SLC12A2: variants seen among roughly 807,000 people sequenced by gnomAD.
SLC12A2 encodes the protein Na-K-2Cl cotransporter 1.
SLC12A2 carries 67 observed loss-of-function variants against 136.3 expected under a neutral mutation model. The observed-to-expected ratio is 0.49, with a 90% CI of 0.40 to 0.60. The LOEUF (loss-of-function observed/expected upper bound fraction) is 0.60. SLC12A2 is among the 20% of genes least tolerant of loss of function. SLC12A2 has a pLI of 0.00. For synonymous variants in SLC12A2, 619 were observed against 562.9 expected (o/e 1.10, Z -1.41); for missense variants, 1,322 against 1,534.7 (o/e 0.86, Z 2.32).
intron 10 of SLC12A2, among the ~76,000 whole-genome samples, chr5:128,145,129 A>G (rs1158064349): frequency 6.6e-6 from 1 of 152,136 alleles, no homozygotes. Context: ...CCCAAAACAT[A>G]GTATTTCCAG....
At chr5:128,184,974 G>A in intron 26 of SLC12A2, 118 bp downstream of exon 26, 2 of 849,924 alleles carry the variant, frequency 2.4e-6, no homozygotes, top group African/African-American at 1.7e-5. Context: ...TTATAAGGAG[G>A]AAAAAACAAA....
At chr5:128,161,227 A>G (rs1396636841) in intron 16 of SLC12A2, among the ~76,000 whole-genome samples, 1 of 152,192 alleles carries the variant, frequency 6.6e-6, no homozygotes, top group Non-Finnish European at 1.5e-5. Context: ...TTAATATTTT[A>G]TAGCTCACTT....
intron 1 of SLC12A2, among the ~76,000 whole-genome samples, chr5:128,103,082 A>C (rs1760804032): frequency 6.6e-6 from 1 of 152,198 alleles, no homozygotes. Context: ...TCATAGAAGT[A>C]TTGTATATCT....
At chr5:128,173,010 C>T (rs904152503) in intron 19 of SLC12A2, among the ~76,000 whole-genome samples, 2 of 151,820 alleles carry the variant, frequency 1.3e-5, no homozygotes, top group Non-Finnish European at 2.9e-5. Flanking sequence ...TTTTTATATC[C>T]TTTGAAGATT....
rs1347112296 is a variant in SLC12A2 at position 128,126,971 on chromosome 5, T to TATATATATATATATATATAA, written c.1049-4096_1049-4095insATATATATATATATATATAA. On this transcript the variant is annotated intron_variant, in intron 4 of 26. Coordinates refer to ENST00000262461, the MANE Select transcript of SLC12A2 (RefSeq NM_001046.3). ...ATATATATATATATATATATATTTT[T>TATATATATATATATATATAA]TTTTTTTTTTTTTTTTGCATCTAAA... Among the ~76,000 whole-genome samples, 54 of 122,982 alleles carry TATATATATATATATATATAA rather than the reference T, an allele frequency of 4.4e-4. 2 individuals carry two copies. Among genetic ancestry groups the TATATATATATATATATATAA allele is most frequent in the African/African-American group, 1.7e-3 (45 of 26,042 alleles). The allele number at this position is 122,982 out of a possible 152,430, so 80.7% of individuals were successfully genotyped here.
Position 128,084,940 on chromosome 5 carries a change from A to C in SLC12A2, c.756+230A>C, listed in dbSNP as rs1760034148. On this transcript the variant is annotated intron_variant, in intron 1 of 26. Transcript: ENST00000262461. The surrounding 1 kb of genome is among the most constrained non-coding windows in gnomAD (Gnocchi z 5.6). ...ACGTGATACCGGAGGGCTGCCTCTA[A>C]CAACCTTCCCCATCCAGTTAGGTAT... Among the ~76,000 whole-genome samples the C allele has an allele frequency of 6.7e-6, 1 of 149,768 alleles. No homozygotes were observed.
At chr5:128,173,962 T>C (rs1157098766) in intron 19 of SLC12A2, among the ~76,000 whole-genome samples, 1 of 152,178 alleles carries the variant, frequency 6.6e-6, no homozygotes, top group Non-Finnish European at 1.5e-5. Flanking sequence ...CTTGGTTTTA[T>C]AGAGTGGGTA....
At position 128,188,313 on chromosome 5, in the gene SLC12A2, T is replaced by TG. The variant is rs1763931128; in HGVS notation, c.*1683dup. On this transcript the variant is annotated 3_prime_UTR_variant, in exon 27 of 27. Coordinates refer to ENST00000262461, the MANE Select transcript of SLC12A2 (RefSeq NM_001046.3). Reference sequence around the variant, plus strand: ...CCTTTTTTTTTTTTTTTTTTTTTTTTGAGACGGAGTCTTGCTCTGTTGCCA... The same window carrying TG: ...CCTTTTTTTTTTTTTTTTTTTTTTTTGGAGACGGAGTCTTGCTCTGTTGCCA... 8.3e-6 allele frequency: 1 copy of TG among 120,566 alleles called. No individual in the cohort carries two copies. The highest frequency in any genetic ancestry group is 3.1e-5 in the African/African-American group (1 of 32,202). The allele number at this position is 120,566 out of a possible 1,614,324, so 7.5% of individuals were successfully genotyped here. A position where few individuals can be genotyped will look rare whatever the true frequency, so the allele number is the denominator to read the frequency against.
intron 9 of SLC12A2, among the ~76,000 whole-genome samples, chr5:128,140,701 C>T (rs1409122181): frequency 1.3e-5 from 2 of 149,998 alleles, no homozygotes; most frequent in Non-Finnish European, 2.9e-5. Flanking sequence ...TGGAACCTTC[C>T]CCCCCCAAAA....
chr5:128,168,048 C>T (rs1439356934), intron 18 of SLC12A2, 181 bp downstream of exon 18: 1 of 482,492 alleles, frequency 2.1e-6, no homozygotes. Context: ...TTTTATTGAT[C>T]TTTATATGTC....
chr5:128,121,220 A>G (rs1197962445), intron 4 of SLC12A2, among the ~76,000 whole-genome samples: 1 of 152,242 alleles, frequency 6.6e-6, no homozygotes, highest in African/African-American at 2.4e-5. Context: ...TGTAATGGAA[A>G]CATGCAAGGT....
At chr5:128,110,682 A>G (rs1761111604) in intron 1 of SLC12A2, 4 of 1,368,442 alleles carry the variant, frequency 2.9e-6, no homozygotes, top group Non-Finnish European at 2.1e-6. Context: ...GAACATTTTT[A>G]CAATGAGCTC....
intron 1 of SLC12A2, among the ~76,000 whole-genome samples, chr5:128,102,632 TGAGGTAGTCTCAC>T (rs1760787966): frequency 7.7e-6 from 1 of 129,924 alleles, no homozygotes; most frequent in Non-Finnish European, 1.6e-5. Context: ...TTTTTTCTTT[TGAGGTAGTCTCAC>T]TCTCTTGCCC....
intron 10 of SLC12A2, among the ~76,000 whole-genome samples, chr5:128,143,884 TTTA>T (rs1461666163): frequency 6.7e-6 from 1 of 149,638 alleles, no homozygotes; most frequent in Non-Finnish European, 1.5e-5. Flanking sequence ...AGGCATTGTT[TTTA>T]TTATAAATAA....
intron 4 of SLC12A2, 86 bp downstream of exon 4, chr5:128,114,767 T>C (rs1029655452): frequency 2.0e-5 from 17 of 842,708 alleles, no homozygotes; most frequent in South Asian, 1.4e-4. Flanking sequence ...TTTTTTACTT[T>C]AACTGAAGCA....
chr5:128,129,404 G>T (rs1202759410), intron 4 of SLC12A2, among the ~76,000 whole-genome samples: 2 of 151,106 alleles, frequency 1.3e-5, no homozygotes, highest in Non-Finnish European at 3.0e-5. Context: ...TAGTGTTCAA[G>T]AATATTTCGT....
In SLC12A2 at chr5:128,084,152, C is replaced by G; in HGVS notation, c.198C>G (p.Asp66Glu). 7.7e-7 allele frequency: 1 copy of G among 1,292,122 alleles called. No individual in the cohort carries two copies. Among genetic ancestry groups the G allele is most frequent in the South Asian group, 2.4e-5 (1 of 41,488 alleles). 80.0% of individuals were successfully genotyped at this position (1,292,122 alleles called of 1,614,324 possible). Residue 66 changes from aspartate (D) to glutamate (E), a missense_variant, in exon 1 of 27, where the codon GAC becomes GAG. Coordinates refer to ENST00000262461, the MANE Select transcript of SLC12A2 (RefSeq NM_001046.3). This position sits in a 1 kb window ranked among gnomAD's most constrained non-coding sequence, Gnocchi z 5.6. ...VRDEGPAAAGDGLGRPLGPTP... is the reference protein window; with the variant it reads ...VRDEGPAAAGEGLGRPLGPTP... The stretch of plus-strand genomic sequence containing the variant: ...ATGAGGGCCCCGCGGCGGCCGGGGA[C>G]GGGCTGGGCAGACCCTTGGGGCCCA...
Position 128,161,733 on chromosome 5 carries a change from A to G in SLC12A2, c.2549A>G (p.Lys850Arg). The G allele has an allele frequency of 6.5e-7, 1 of 1,536,654 alleles. No homozygotes were observed. The highest frequency in any genetic ancestry group is 8.7e-7 in the Non-Finnish European group (1 of 1,143,958). ...TATCAGCGATGGCTTATTAAGAACA[A>G]AATGAAGGCATTTTATGCTCCAGTA... ...AKYQRWLIKN[K>R]MKAFYAPVHA... The change falls in exon 17 of 27, where the codon AAA becomes AGA. Residue 850 changes from lysine (K) to arginine (R), a missense_variant. Physicochemically the swap from Lys to Arg is conservative, Grantham distance 26. Around this residue, in one of 8 missense-constraint regions of SLC12A2, gnomAD observed 226 missense variants for 210.4 expected, o/e 1.07. Transcript: ENST00000262461.
intron 4 of SLC12A2, among the ~76,000 whole-genome samples, chr5:128,115,316 C>T (rs1293430407): frequency 6.6e-6 from 1 of 152,010 alleles, no homozygotes; most frequent in African/African-American, 2.4e-5. Context: ...GTAGAGATGG[C>T]GTTTTGCCAT....
Sources: allele counts gnomAD v4.1 joint callset (sites outside exome capture counted in the v4.1 genomes callset), GRCh38; gene constraint gnomAD v4.1.1; regional missense constraint gnomAD v4.1.1; non-coding constraint Gnocchi (gnomAD v3.1); transcripts MANE v1.5; gene names NCBI Gene and HGNC (gene_info 2026-07-23, HGNC 2026-07-21).